NEGR1: variants seen among roughly 807,000 people sequenced by gnomAD.
NEGR1 encodes neuronal growth regulator 1.
Under a neutral mutation model 40.9 loss-of-function variants are expected in NEGR1, and 10 were observed. The ratio of observed to expected loss-of-function variants is 0.24; its 90% CI spans 0.15 to 0.42. NEGR1 has a LOEUF of 0.42. NEGR1 is among the 10% of genes least tolerant of loss of function. NEGR1 has a pLI of 1.00. For synonymous variants in NEGR1, 185 were observed against 166.8 expected (o/e 1.11, Z -0.84); for missense variants, 352 against 438.9 (o/e 0.80, Z 1.77).
chr1:71,581,764 G>A (rs954421889), intron 6 of NEGR1, among the ~76,000 whole-genome samples: 33 of 150,296 alleles, frequency 2.2e-4, no homozygotes, highest in South Asian at 2.1e-4. Flanking sequence ...GTGCAGTGGC[G>A]TGTTCTCGGC....
intron 1 of NEGR1, among the ~76,000 whole-genome samples, chr1:72,048,065 C>T (rs1423203187): frequency 1.3e-5 from 2 of 151,618 alleles, no homozygotes; most frequent in South Asian, 2.1e-4. Context: ...TGGGCACTTT[C>T]ATCTATCTCC....
intron 3 of NEGR1, among the ~76,000 whole-genome samples, chr1:71,754,457 G>A (rs1227314597): frequency 6.6e-6 from 1 of 151,916 alleles, no homozygotes; most frequent in East Asian, 1.9e-4. Context: ...CTTAAGTTGG[G>A]GAGGCAGTTT....
chr1:72,028,582 C>T (rs563170968), intron 1 of NEGR1, among the ~76,000 whole-genome samples: 3 of 152,344 alleles, frequency 2.0e-5, no homozygotes, highest in South Asian at 4.1e-4. Context: ...CAGCACATCA[C>T]ACTGAGTTCA....
At chr1:71,850,640 C>T (rs1180703873) in intron 2 of NEGR1, among the ~76,000 whole-genome samples, 4 of 152,120 alleles carry the variant, frequency 2.6e-5, no homozygotes, top group Non-Finnish European at 4.4e-5. Context: ...ATTATTTCTA[C>T]ATACTTTTGC....
chr1:71,964,904 C>T (rs1009188745), intron 1 of NEGR1, among the ~76,000 whole-genome samples: 6 of 151,720 alleles, frequency 4.0e-5, no homozygotes, highest in African/African-American at 1.5e-4. Flanking sequence ...CTTGAGGAAA[C>T]ACTGGGTACA....
chr1:71,718,940 A>T (rs1654365964), intron 3 of NEGR1, among the ~76,000 whole-genome samples: 1 of 152,192 alleles, frequency 6.6e-6, no homozygotes, highest in African/African-American at 2.4e-5. Context: ...TCTAAAGAAA[A>T]ATAATATCCA....
Position 71,407,222 on chromosome 1 carries a change from G to C in NEGR1, c.*224C>G, listed in dbSNP as rs374025888. On this transcript the variant is annotated 3_prime_UTR_variant, in exon 7 of 7. Coordinates refer to ENST00000357731, the MANE Select transcript of NEGR1 (RefSeq NM_173808.3). Reference sequence around the variant, plus strand: ...CTAAAAGTAATTTCAGAGCTTTCACGTCTTAAAAAAAGGACAATGTGTACT... The same window carrying C: ...CTAAAAGTAATTTCAGAGCTTTCACCTCTTAAAAAAAGGACAATGTGTACT... 1 of 354,284 alleles carries C rather than the reference G, an allele frequency of 2.8e-6. No individual in the cohort carries two copies. Among genetic ancestry groups the C allele is most frequent in the Non-Finnish European group, 5.2e-6 (1 of 193,418 alleles). 21.9% of individuals were successfully genotyped at this position (354,284 alleles called of 1,614,324 possible).
intron 6 of NEGR1, among the ~76,000 whole-genome samples, chr1:71,431,372 T>G (rs1646467293): frequency 6.6e-6 from 1 of 152,166 alleles, no homozygotes; most frequent in Admixed American, 6.6e-5. Flanking sequence ...CTGAAAGATG[T>G]CTATGCAGAC....
intron 3 of NEGR1, among the ~76,000 whole-genome samples, chr1:71,718,911 T>C (rs1256591566): frequency 6.6e-6 from 1 of 152,202 alleles, no homozygotes; most frequent in Non-Finnish European, 1.5e-5. Context: ...TTGATCCTTC[T>C]TACAAAACTT....
chr1:72,247,559 C>G (rs1200309716), intron 1 of NEGR1, among the ~76,000 whole-genome samples: 1 of 152,178 alleles, frequency 6.6e-6, no homozygotes, highest in East Asian at 1.9e-4. Flanking sequence ...CACACATGAC[C>G]TTTACTCCAG....
intron 5 of NEGR1, among the ~76,000 whole-genome samples, chr1:71,601,876 G>A (rs1422126179): frequency 5.9e-5 from 9 of 151,996 alleles, no homozygotes; most frequent in Admixed American, 3.3e-4. Context: ...TTTGGGTGTC[G>A]GGTGCCCTAG....
At chr1:72,123,415 C>A (rs1649881089) in intron 1 of NEGR1, among the ~76,000 whole-genome samples, 1 of 151,570 alleles carries the variant, frequency 6.6e-6, no homozygotes, top group Non-Finnish European at 1.5e-5. Context: ...AACCGTATAA[C>A]TAAAATTGCT....
chr1:71,576,643 T>C (rs1330686477), intron 6 of NEGR1, among the ~76,000 whole-genome samples: 1 of 152,224 alleles, frequency 6.6e-6, no homozygotes, highest in East Asian at 1.9e-4. Flanking sequence ...TATAATAAGA[T>C]AACCACAATT....
chr1:71,636,046 A>G (rs1651137622), intron 4 of NEGR1, among the ~76,000 whole-genome samples: 1 of 152,112 alleles, frequency 6.6e-6, no homozygotes, highest in African/African-American at 2.4e-5. Flanking sequence ...ATATACATAT[A>G]ATTATCTATA....
At chr1:71,556,828 C>A (rs1648269093) in intron 6 of NEGR1, among the ~76,000 whole-genome samples, 1 of 151,548 alleles carries the variant, frequency 6.6e-6, no homozygotes, top group Non-Finnish European at 1.5e-5. Context: ...TAACCTATTT[C>A]TCATGTCTTT....
At chr1:71,766,400 T>G (rs1870525) in intron 3 of NEGR1, among the ~76,000 whole-genome samples, 113,506 of 152,046 alleles carry the variant, frequency 0.75, 44,283 homozygotes, top group East Asian at 0.86. Context: ...GATAATTAAG[T>G]TAGTAATGCC....
intron 1 of NEGR1, among the ~76,000 whole-genome samples, chr1:72,197,992 G>T (rs1653061455): frequency 6.6e-6 from 1 of 152,006 alleles, no homozygotes; most frequent in Admixed American, 6.6e-5. Flanking sequence ...GTTTTTCAGA[G>T]AGAAAAAGGC....
At chr1:71,673,987 T>A (rs1178795353) in intron 4 of NEGR1, among the ~76,000 whole-genome samples, 1 of 152,160 alleles carries the variant, frequency 6.6e-6, no homozygotes, top group Non-Finnish European at 1.5e-5. Context: ...ATTAGTTTTA[T>A]ATTAATATAA....
chr1:71,448,578 G>A (rs146186361), intron 6 of NEGR1, among the ~76,000 whole-genome samples: 2,508 of 152,082 alleles, frequency 0.016, 27 homozygotes, highest in East Asian at 0.023. Flanking sequence ...CAGCCTGGGC[G>A]AGAGAGGGAG....
Sources: gnomAD v4.1 joint callset for allele counts (sites outside exome capture counted in the v4.1 genomes callset) on GRCh38, gnomAD v4.1.1 for gene constraint, MANE v1.5 for transcripts, NCBI Gene and HGNC (gene_info 2026-07-23, HGNC 2026-07-21) for gene names.